Variants in PTPRD observed in about 807,000 individuals in gnomAD.
The protein encoded by PTPRD is protein tyrosine phosphatase receptor type D, also known as receptor-type tyrosine-protein phosphatase delta.
A neutral mutation model predicts 214.5 loss-of-function variants in PTPRD; 34 were observed. That is an observed-to-expected ratio of 0.16 (90% CI 0.12 to 0.21). PTPRD has a LOEUF of 0.21. PTPRD is among the 10% of genes least tolerant of loss of function. The pLI, the probability that PTPRD is intolerant of heterozygous loss-of-function variation, is 1.00. For synonymous variants in PTPRD, 1,128 were observed against 845.7 expected, an observed-to-expected ratio of 1.33 and a Z score of -5.79; for missense variants, 2,545 against 2,398.7, an observed-to-expected ratio of 1.06 and a Z score of -1.27.
At chr9:8,509,767 C>T (rs543757771) in intron 21 of PTPRD, among the ~76,000 whole-genome samples, 6 of 152,214 alleles carry the variant, frequency 3.9e-5, no homozygotes, top group African/African-American at 1.4e-4. Context: ...TCTAATTCTG[C>T]TTGTTTCTAT....
intron 6 of PTPRD, among the ~76,000 whole-genome samples, chr9:9,759,572 T>G (rs980795060): frequency 2.7e-5 from 4 of 149,534 alleles, no homozygotes; most frequent in African/African-American, 9.9e-5. Context: ...TTTTTTTTTT[T>G]TTTGAGATGG....
intron 5 of PTPRD, among the ~76,000 whole-genome samples, chr9:9,879,362 A>C (rs1039163093): frequency 1.3e-5 from 2 of 152,174 alleles, no homozygotes; most frequent in African/African-American, 4.8e-5. Flanking sequence ...GATGAGAAAA[A>C]AATGCCTCTA....
chr9:9,588,207 C>T (rs2092309408), intron 7 of PTPRD, among the ~76,000 whole-genome samples: 1 of 151,776 alleles, frequency 6.6e-6, no homozygotes, highest in South Asian at 2.1e-4. Context: ...GCGATAAGGA[C>T]TAACCTTAGT....
intron 10 of PTPRD, among the ~76,000 whole-genome samples, chr9:9,093,598 G>A (rs1191940822): frequency 6.6e-6 from 1 of 151,412 alleles, no homozygotes; most frequent in Non-Finnish European, 1.5e-5. Context: ...GGGTAAAAAG[G>A]CAAGTCACAT....
intron 9 of PTPRD, among the ~76,000 whole-genome samples, chr9:9,208,821 T>TC (rs1291828867): frequency 8.6e-5 from 13 of 151,734 alleles, no homozygotes; most frequent in Non-Finnish European, 1.5e-4. Flanking sequence ...TTTTTTTTTT[T>TC]CTTTGAGATG....
intron 9 of PTPRD, among the ~76,000 whole-genome samples, chr9:9,221,535 G>T (rs947506573): frequency 6.6e-6 from 1 of 151,966 alleles, no homozygotes; most frequent in African/African-American, 2.4e-5. Flanking sequence ...CTCTGGAGAG[G>T]GCTCTCTTTC....
chr9:9,913,337 A>G (rs1312824132), intron 5 of PTPRD, among the ~76,000 whole-genome samples: 4 of 152,194 alleles, frequency 2.6e-5, no homozygotes, highest in African/African-American at 9.7e-5. Context: ...AAGTAAAAGA[A>G]TAGTGATAAA....
chr9:10,144,430 T>C (rs896033188), intron 3 of PTPRD, among the ~76,000 whole-genome samples: 2 of 152,160 alleles, frequency 1.3e-5, no homozygotes, highest in Admixed American at 6.6e-5. Flanking sequence ...TCCTGCCTTT[T>C]CTATTTCAGT....
At chr9:8,646,413 C>G (rs1167532855) in intron 12 of PTPRD, among the ~76,000 whole-genome samples, 6 of 152,152 alleles carry the variant, frequency 3.9e-5, no homozygotes, top group Non-Finnish European at 7.4e-5. Context: ...ACCAGAAATA[C>G]TGTTTGGCCT....
chr9:9,141,964 A>G (rs917269211), intron 10 of PTPRD, among the ~76,000 whole-genome samples: 1 of 152,220 alleles, frequency 6.6e-6, no homozygotes, highest in African/African-American at 2.4e-5. Flanking sequence ...TAATGCCTGC[A>G]AGGCATGTGG....
At chr9:10,559,549 A>G (rs1373089439) in intron 2 of PTPRD, among the ~76,000 whole-genome samples, 1 of 152,056 alleles carries the variant, frequency 6.6e-6, no homozygotes, top group Non-Finnish European at 1.5e-5. Context: ...TTTAATAAGA[A>G]GTACAAATGA....
rs5896339 is a variant in PTPRD, at chr9:9,479,347, GCACA to G, written c.-236-81869_-236-81866del. On this transcript the variant is annotated intron_variant, in intron 8 of 45. Coordinates refer to ENST00000381196, the MANE Select transcript of PTPRD (RefSeq NM_002839.4). ...CCTTCGAGAAAATGTGAAAACTGAT[GCACA>G]CACACACACACACACACACACATAC... is the stretch of plus-strand genomic sequence containing the variant. Among the ~76,000 whole-genome samples, 1,218 of 146,570 alleles carry G rather than the reference GCACA, an allele frequency of 8.3e-3. 7 individuals carry two copies. The highest frequency in any genetic ancestry group is 0.023 in the African/African-American group (928 of 40,030).
At chr9:9,727,867 C>G (rs142753679) in intron 7 of PTPRD, among the ~76,000 whole-genome samples, 153 of 152,252 alleles carry the variant, frequency 1.0e-3, no homozygotes, top group African/African-American at 3.5e-3. Context: ...AATTCTGATT[C>G]TTACACATTG....
chr9:8,900,129 C>G (rs550879067), intron 11 of PTPRD, among the ~76,000 whole-genome samples: 1 of 152,138 alleles, frequency 6.6e-6, no homozygotes, highest in Admixed American at 6.5e-5. Context: ...CGTGAGCGGA[C>G]TTATATGACA....
At chr9:10,115,656 T>C (rs1442422723) in intron 3 of PTPRD, among the ~76,000 whole-genome samples, 1 of 152,078 alleles carries the variant, frequency 6.6e-6, no homozygotes, top group African/African-American at 2.4e-5. Flanking sequence ...TTTTTTTCTT[T>C]CTGTTCCCCA....
chr9:8,828,026 TTATATG>T (rs1427112989), intron 11 of PTPRD, among the ~76,000 whole-genome samples: 1 of 152,180 alleles, frequency 6.6e-6, no homozygotes, highest in Non-Finnish European at 1.5e-5. Flanking sequence ...TCTGTTTGGC[TTATATG>T]TATATTATTT....
chr9:8,680,957 GGAAAGGGAAGAGGAGAA>G (rs1199776581), intron 12 of PTPRD, among the ~76,000 whole-genome samples: 2 of 152,112 alleles, frequency 1.3e-5, no homozygotes, highest in African/African-American at 4.8e-5. Flanking sequence ...ATGGAGGATA[GGAAAGGGAAGAGGAGAA>G]AGAACACATT....
chr9:10,125,989 A>G (rs2098816459), intron 3 of PTPRD, among the ~76,000 whole-genome samples: 1 of 152,192 alleles, frequency 6.6e-6, no homozygotes, highest in South Asian at 2.1e-4. Context: ...AAAATAGATT[A>G]TTAATTTTAA....
At chr9:9,121,557 G>C (rs1386638163) in intron 10 of PTPRD, among the ~76,000 whole-genome samples, 1 of 152,274 alleles carries the variant, frequency 6.6e-6, no homozygotes. Context: ...TATTCTAAGT[G>C]AAGTAACTCA....
Sources: allele counts gnomAD v4.1 joint callset (sites outside exome capture counted in the v4.1 genomes callset), GRCh38; gene constraint gnomAD v4.1.1; transcripts MANE v1.5; gene names NCBI Gene and HGNC (gene_info 2026-07-23, HGNC 2026-07-21).